Variants in MARK1 observed in about 807,000 individuals in gnomAD.
The protein encoded by MARK1 is microtubule affinity regulating kinase 1, also known as serine/threonine-protein kinase MARK1.
A neutral mutation model predicts 96.3 loss-of-function variants in MARK1; 40 were observed. The ratio of observed to expected loss-of-function variants is 0.42; its 90% CI spans 0.32 to 0.54. MARK1 has a LOEUF of 0.54. Ranked by LOEUF, MARK1 falls within the 20% of genes least tolerant of loss-of-function variation. MARK1 has a pLI of 0.16. For missense variants in MARK1, 719 were observed against 984.6 expected (o/e 0.73, Z 3.61); for synonymous variants, 317 against 341.2 (o/e 0.93, Z 0.78).
chr1:220,646,850 T>C (rs1282222703), intron 13 of MARK1, among the ~76,000 whole-genome samples: 1 of 152,166 alleles, frequency 6.6e-6, no homozygotes, highest in African/African-American at 2.4e-5. Context: ...TAGCTAGCCA[T>C]ATGCAGAAAA....
intron 3 of MARK1, among the ~76,000 whole-genome samples, chr1:220,582,479 C>T (rs537940000): frequency 1.3e-5 from 2 of 152,306 alleles, no homozygotes; most frequent in South Asian, 4.1e-4. Flanking sequence ...TGGGAACCCA[C>T]TTAAAATGCA....
At chr1:220,584,960 CAT>C (rs57265199) in intron 3 of MARK1, among the ~76,000 whole-genome samples, 1,731 of 152,264 alleles carry the variant, frequency 0.011, 26 homozygotes, top group African/African-American at 0.04. Context: ...GTTCTTGTCA[CAT>C]GTGTGGATCA....
At chr1:220,610,315 A>G (rs1227637095) in intron 6 of MARK1, among the ~76,000 whole-genome samples, 2 of 152,100 alleles carry the variant, frequency 1.3e-5, no homozygotes, top group African/African-American at 4.8e-5. Flanking sequence ...TCAGTCACTG[A>G]TAGCCTTTCT....
chr1:220,652,160 TG>T lies in MARK1; in HGVS notation c.1736+12del. The T allele has an allele frequency of 3.8e-6, 6 of 1,582,058 alleles. No homozygotes were observed. The highest frequency in any genetic ancestry group is 5.2e-6 in the Non-Finnish European group (6 of 1,155,180). ...AAGCTTACCGGCCTGGGTAATGTGT[TG>T]GTTACATCTCATTTTGTTCATTAAG... On this transcript the variant is annotated intron_variant, in intron 15 of 17. Coordinates refer to ENST00000366917, the MANE Select transcript of MARK1 (RefSeq NM_018650.5).
chr1:220,613,091 T>C (rs1364362383), intron 6 of MARK1, among the ~76,000 whole-genome samples: 1 of 152,204 alleles, frequency 6.6e-6, no homozygotes. Flanking sequence ...TCAGGATCCA[T>C]TAATAGAAGG....
intron 7 of MARK1, among the ~76,000 whole-genome samples, 196 bp downstream of exon 7, chr1:220,616,191 A>C (rs1666742538): frequency 6.6e-6 from 1 of 152,184 alleles, no homozygotes; most frequent in African/African-American, 2.4e-5. Flanking sequence ...ATGAGTGATA[A>C]GTTTTCTAGC....
Position 220,577,187 on chromosome 1 carries a change from G to A in MARK1, c.52-2167G>A, listed in dbSNP as rs73093539. ...TCCCAGCTACTCAAGAGGCTGAAGT[G>A]GGAAGATCACTTGAGGCTGCAGTGA... On this transcript the variant is annotated intron_variant, in intron 1 of 17. Coordinates refer to ENST00000366917, the MANE Select transcript of MARK1 (RefSeq NM_018650.5). Among the ~76,000 whole-genome samples, 563 of 152,196 alleles carry A rather than the reference G, an allele frequency of 3.7e-3. 6 individuals carry two copies. Among genetic ancestry groups the A allele is most frequent in the African/African-American group, 0.013 (532 of 41,524 alleles).
chr1:220,630,856 A>AG (rs1667642890), intron 9 of MARK1, among the ~76,000 whole-genome samples, 179 bp from the exon 10 acceptor site: 1 of 152,184 alleles, frequency 6.6e-6, no homozygotes, highest in African/African-American at 2.4e-5. Context: ...GTAGGGAGAT[A>AG]GTCATAGTTG....
At chr1:220,579,626 G>A (rs1205656698) in intron 2 of MARK1, 69 bp downstream of exon 2, 3 of 1,277,818 alleles carry the variant, frequency 2.3e-6, no homozygotes, top group Non-Finnish European at 3.4e-6. Flanking sequence ...CTTCCTTATA[G>A]CCCATGTTTG....
chr1:220,613,749 T>TTTTCATCATTAGATGAAA (rs1666586213), intron 6 of MARK1, among the ~76,000 whole-genome samples: 1 of 152,166 alleles, frequency 6.6e-6, no homozygotes, highest in South Asian at 2.1e-4. Context: ...ATACTACAAA[T>TTTTCATCATTAGATGAAA]TTTCATCATT....
intron 1 of MARK1, among the ~76,000 whole-genome samples, chr1:220,541,343 C>T (rs941577709): frequency 1.3e-5 from 2 of 152,070 alleles, no homozygotes; most frequent in African/African-American, 4.8e-5. Context: ...GTTATCTGTC[C>T]TGGAGAATGT....
chr1:220,590,096 C>T (rs1467570997), intron 3 of MARK1, among the ~76,000 whole-genome samples: 1 of 152,192 alleles, frequency 6.6e-6, no homozygotes, highest in Admixed American at 6.5e-5. Context: ...TTCCTTTTGC[C>T]TCATGCAGCT....
intron 11 of MARK1, among the ~76,000 whole-genome samples, chr1:220,632,798 C>T (rs780984618): frequency 2.0e-5 from 3 of 152,020 alleles, no homozygotes; most frequent in Admixed American, 6.6e-5. Flanking sequence ...ATTCTCAAGG[C>T]CAGGAGAACT....
At chr1:220,642,824 G>A (rs1048007424) in intron 13 of MARK1, among the ~76,000 whole-genome samples, 1 of 152,264 alleles carries the variant, frequency 6.6e-6, no homozygotes, top group Admixed American at 6.5e-5. Context: ...CCAGGCAAAC[G>A]GTCTGGAGTG....
intron 1 of MARK1, among the ~76,000 whole-genome samples, chr1:220,569,154 A>G (rs544880976): frequency 1.3e-5 from 2 of 152,178 alleles, no homozygotes; most frequent in Non-Finnish European, 2.9e-5. Context: ...TTTACTTCAT[A>G]TGTTTAAAAG....
At chr1:220,642,842 A>G (rs1293452492) in intron 13 of MARK1, among the ~76,000 whole-genome samples, 2 of 152,212 alleles carry the variant, frequency 1.3e-5, no homozygotes, top group Admixed American at 1.3e-4. Flanking sequence ...GTGGACCCCC[A>G]GAAAACTGCA....
chr1:220,583,292 CT>C (rs1308014080), intron 3 of MARK1, among the ~76,000 whole-genome samples: 3 of 152,180 alleles, frequency 2.0e-5, no homozygotes, highest in African/African-American at 7.2e-5. Context: ...CCTTTATCCT[CT>C]TCTGTGTATC....
At chr1:220,643,779 T>TA (rs1166638139) in intron 13 of MARK1, among the ~76,000 whole-genome samples, 8 of 152,210 alleles carry the variant, frequency 5.3e-5, no homozygotes, top group African/African-American at 1.9e-4. Flanking sequence ...TCTACATTCT[T>TA]AAAGAAAATT....
At chr1:220,557,022 G>A (rs1662313262) in intron 1 of MARK1, among the ~76,000 whole-genome samples, 1 of 152,058 alleles carries the variant, frequency 6.6e-6, no homozygotes, top group Non-Finnish European at 1.5e-5. Context: ...ATCCAGAAGT[G>A]GAGAGAGATA....
Sources: gnomAD v4.1 joint callset for allele counts (sites outside exome capture counted in the v4.1 genomes callset) on GRCh38, gnomAD v4.1.1 for gene constraint, MANE v1.5 for transcripts, NCBI Gene and HGNC (gene_info 2026-07-23, HGNC 2026-07-21) for gene names.